The following ALMS1 variants were observed in gnomAD, a reference collection of about 807,000 sequenced individuals.
ALMS1 encodes ALMS1 centrosome and basal body associated protein, also known as centrosome-associated protein ALMS1.
In ALMS1, 271 loss-of-function variants were observed where a neutral mutation model predicts 352.2. The ratio of observed to expected loss-of-function variants is 0.77; its 90% CI spans 0.70 to 0.85. The LOEUF (loss-of-function observed/expected upper bound fraction) is 0.85, where lower values mean the gene tolerates loss of function less well. Among genes scored for constraint, ALMS1 ranks in the 40% least tolerant of loss-of-function variants. The pLI is 0.00. For synonymous variants in ALMS1, 1,865 were observed against 1,761.2 expected, an observed-to-expected ratio of 1.06 and a Z score of -1.48; for missense variants, 5,445 against 4,870.7, an observed-to-expected ratio of 1.12 and a Z score of -3.51.
At position 73,386,136 on chromosome 2, in the gene ALMS1, C is replaced by T; in HGVS notation, c.268C>T (p.Pro90Ser). 6.4e-7 allele frequency: 1 copy of T among 1,563,180 alleles called. No homozygotes were observed. The highest frequency in any genetic ancestry group is 8.7e-7 in the Non-Finnish European group (1 of 1,154,534). Residue 90 changes from proline (P) to serine (S), a missense_variant, in exon 1 of 23, where the codon CCG becomes TCG. Pro to Ser is a moderately conservative substitution (Grantham distance 74). Transcript: ENST00000613296. ...GGCGCACCCCGGCAGGATTTTGCCT[C>T]CGCTGTCGCCCCCGCAGCACCGCTA... ...LQAHPGRILP[P>S]LSPPQHRYSE...
chr2:73,490,972 T>C lies in ALMS1; in HGVS notation c.9013T>C (p.Ser3005Pro). The C allele has an allele frequency of 6.2e-7, 1 of 1,614,214 alleles. No individual in the cohort carries two copies. The highest frequency in any genetic ancestry group is 1.1e-5 in the South Asian group (1 of 91,084). The change falls in exon 10 of 23, where the codon TCA becomes CCA. Residue 3005 changes from serine (S) to proline (P), a missense_variant. Ser to Pro is a moderately conservative substitution (Grantham distance 74). Transcript: ENST00000613296. ...AAAGAATAATCAACATAAGCCTAAATCACACATTTCTAATATAAATGTTGA... is the reference window on the plus strand; with the variant it reads ...AAAGAATAATCAACATAAGCCTAAACCACACATTTCTAATATAAATGTTGA... ...VEKNNQHKPK[S>P]HISNINVEAK...
chr2:73,576,786 A>G (rs1675063994), intron 16 of ALMS1, among the ~76,000 whole-genome samples: 2 of 151,256 alleles, frequency 1.3e-5, no homozygotes, highest in African/African-American at 2.4e-5. Context: ...ATGCCCAGCT[A>G]TTTTTTTGGA....
intron 1 of ALMS1, among the ~76,000 whole-genome samples, chr2:73,388,949 G>C (rs1020023414): frequency 9.9e-5 from 15 of 152,208 alleles, no homozygotes; most frequent in Non-Finnish European, 2.2e-4. Flanking sequence ...ATTTCCTTTG[G>C]AGAGATACCC....
intron 10 of ALMS1, among the ~76,000 whole-genome samples, chr2:73,496,049 A>T (rs1365491369): frequency 6.6e-6 from 1 of 152,218 alleles, no homozygotes; most frequent in African/African-American, 2.4e-5. Flanking sequence ...CAGTATGAGT[A>T]CGTGATTCAT....
At chr2:73,591,833 C>T (rs146653495) in intron 16 of ALMS1, among the ~76,000 whole-genome samples, 1 of 152,220 alleles carries the variant, frequency 6.6e-6, no homozygotes, top group African/African-American at 2.4e-5. Flanking sequence ...ATAGAAAAAC[C>T]TTTGGGAAAC....
chr2:73,473,920 AAGAGAGAGAG>A (rs35028203), intron 9 of ALMS1, among the ~76,000 whole-genome samples: 7 of 148,650 alleles, frequency 4.7e-5, no homozygotes, highest in South Asian at 4.3e-4. Flanking sequence ...TCTTAGAGGG[AAGAGAGAGAG>A]AGAGAGAGAG....
intron 16 of ALMS1, among the ~76,000 whole-genome samples, chr2:73,598,972 C>T (rs1240706774): frequency 6.6e-6 from 1 of 152,128 alleles, no homozygotes; most frequent in Non-Finnish European, 1.5e-5. Flanking sequence ...TGGTGTTTGT[C>T]TTAGTATACG....
At chr2:73,583,629 A>C (rs1350637253) in intron 16 of ALMS1, among the ~76,000 whole-genome samples, 1 of 152,176 alleles carries the variant, frequency 6.6e-6, no homozygotes, top group East Asian at 1.9e-4. Context: ...TCTTACATTT[A>C]GGTCTTTAAC....
At position 73,550,102 on chromosome 2, in the gene ALMS1, C is replaced by T. The variant is rs567139267; in HGVS notation, c.9908-165C>T. Among the ~76,000 whole-genome samples the T allele has an allele frequency of 3.9e-5, 6 of 152,310 alleles. No individual in the cohort carries two copies. In the South Asian group the frequency reaches 6.2e-4, roughly 16 times the overall value. Reference sequence around the variant, plus strand: ...CTTGAACTCCTGACCTCAGGCAATCCGCCTGCCTCCACCTTCCAAAGTGCT... The same window carrying T: ...CTTGAACTCCTGACCTCAGGCAATCTGCCTGCCTCCACCTTCCAAAGTGCT... On this transcript the variant is annotated intron_variant, in intron 12 of 22. Coordinates refer to ENST00000613296, the MANE Select transcript of ALMS1 (RefSeq NM_001378454.1).
chr2:73,536,956 T>C (rs959124625), intron 12 of ALMS1, among the ~76,000 whole-genome samples: 5 of 152,172 alleles, frequency 3.3e-5, no homozygotes, highest in Non-Finnish European at 5.9e-5. Flanking sequence ...CCTTCAGAAA[T>C]ATAGCTTTCT....
rs747535416 is a variant in ALMS1, at chr2:73,452,398, C to T, written c.5871C>T (p.Asp1957=). The T allele has an allele frequency of 1.9e-6, 3 of 1,613,808 alleles. No individual in the cohort carries two copies. The South Asian group carries it at 3.3e-5, about 18-fold the overall frequency. Residue 1957 remains aspartate (D), a synonymous_variant, in exon 8 of 23, where the codon GAC becomes GAT. Transcript: ENST00000613296. ...TTATCTCTCAACAGGAGTTGCCAGA[C>T]AGTCATCTCACAGAAGAGGCTCTGA... ...PSVISQQELP[D]SHLTEEALKV...
In ALMS1 at chr2:73,604,894, G is replaced by C. The variant is rs183726064; in HGVS notation, c.12362+1590G>C. Among the ~76,000 whole-genome samples the C allele has an allele frequency of 7.2e-5, 11 of 152,202 alleles. No individual in the cohort carries two copies. The East Asian group carries it at 2.1e-3, about 29-fold the overall frequency. ...AGTGGCACCAAACTGTAGTAGTCTA[G>C]TAGGCATTGTATCCTGCACAGCCTC... On this transcript the variant is annotated intron_variant, in intron 21 of 22. Transcript: ENST00000613296.
In ALMS1 at chr2:73,521,795, C is replaced by T. The variant is rs892517623; in HGVS notation, c.9781+1779C>T. Among the ~76,000 whole-genome samples, 3 of 151,918 alleles carry T rather than the reference C, an allele frequency of 2.0e-5. No individual in the cohort carries two copies. The South Asian group carries it at 6.2e-4, about 32-fold the overall frequency. The stretch of plus-strand genomic sequence containing the variant: ...ATTTTAAACTTCTACTGTCATCAAA[C>T]GGATCAATTTATAGAGGCCATGATT... On this transcript the variant is annotated intron_variant, in intron 11 of 22. Transcript: ENST00000613296.
At chr2:73,596,324 G>C (rs150956022) in intron 16 of ALMS1, among the ~76,000 whole-genome samples, 1 of 152,024 alleles carries the variant, frequency 6.6e-6, no homozygotes, top group African/African-American at 2.4e-5. Context: ...TTTGCATAGG[G>C]ATATTTAATT....
At chr2:73,589,673 T>C (rs1675384306) in intron 16 of ALMS1, among the ~76,000 whole-genome samples, 1 of 152,244 alleles carries the variant, frequency 6.6e-6, no homozygotes, top group African/African-American at 2.4e-5. Context: ...GCTGTAAGTA[T>C]ATATCTACAT....
intron 9 of ALMS1, among the ~76,000 whole-genome samples, chr2:73,479,214 A>G (rs1672645044): frequency 6.6e-6 from 1 of 152,200 alleles, no homozygotes; most frequent in Non-Finnish European, 1.5e-5. Flanking sequence ...TAGAGATATC[A>G]CATATACCCT....
chr2:73,601,082 C>G, intron 18 of ALMS1, 113 bp from the exon 19 acceptor site: 1 of 1,550,850 alleles, frequency 6.4e-7, no homozygotes, highest in East Asian at 2.2e-5. Context: ...CCTGTGGCCT[C>G]TGACAGCTGA....
intron 1 of ALMS1, among the ~76,000 whole-genome samples, chr2:73,400,600 A>G (rs1219684311): frequency 6.6e-6 from 1 of 152,144 alleles, no homozygotes; most frequent in Non-Finnish European, 1.5e-5. Context: ...CTATTAATTT[A>G]TGATTCAGTG....
intron 15 of ALMS1, among the ~76,000 whole-genome samples, chr2:73,569,441 A>G (rs1387821288): frequency 6.6e-6 from 1 of 152,088 alleles, no homozygotes; most frequent in African/African-American, 2.4e-5. Context: ...CTATTTCCTT[A>G]TTGTTTTACT....
Sources: gnomAD v4.1 joint callset for allele counts (sites outside exome capture counted in the v4.1 genomes callset) on GRCh38, gnomAD v4.1.1 for gene constraint, MANE v1.5 for transcripts, NCBI Gene and HGNC (gene_info 2026-07-23, HGNC 2026-07-21) for gene names.